The following ZNG1A variants were observed in gnomAD, a reference collection of about 807,000 sequenced individuals.
ZNG1A encodes Zn regulated GTPase metalloprotein activator 1A.
At chr9:133,383 A>C in the ZNG1A span, among the ~76,000 whole-genome samples, 1 of 143,532 alleles carries the variant, frequency 7.0e-6, no homozygotes, top group Admixed American at 7.1e-5. Context: ...AATACACTAC[A>C]CCAAGGGCAA....
chr9:174,307 T>G, the ZNG1A span, among the ~76,000 whole-genome samples: 6 of 152,230 alleles, frequency 3.9e-5, no homozygotes, highest in Non-Finnish European at 8.8e-5. Context: ...AACAGTGAAG[T>G]TCTAAAAGCC....
chr9:139,028 T>C, the ZNG1A span, among the ~76,000 whole-genome samples: 1 of 149,476 alleles, frequency 6.7e-6, no homozygotes, highest in Non-Finnish European at 1.5e-5. Context: ...CAGAGACATG[T>C]CCATTTTCAT....
the ZNG1A span, among the ~76,000 whole-genome samples, chr9:139,608 G>A: frequency 6.6e-6 from 1 of 152,112 alleles, no homozygotes; most frequent in Admixed American, 6.5e-5. Context: ...ATTCCCCACA[G>A]GAGAAGGCAG....
the ZNG1A span, chr9:177,766 C>A: frequency 6.5e-7 from 1 of 1,538,772 alleles, no homozygotes; most frequent in Non-Finnish European, 8.8e-7. Context: ...GTTTGAAATA[C>A]ATTGTTTTGG....
the ZNG1A span, among the ~76,000 whole-genome samples, chr9:159,417 T>C: frequency 6.6e-6 from 1 of 151,936 alleles, no homozygotes; most frequent in Admixed American, 6.6e-5. Context: ...TGCTAAAACA[T>C]AGATCTTAAC....
the ZNG1A span, chr9:148,725 T>C: frequency 6.7e-6 from 1 of 148,344 alleles, no homozygotes; most frequent in Non-Finnish European, 1.5e-5. Flanking sequence ...AAGTACCTAA[T>C]GTTTTTCTTA....
At chr9:154,864 A>T in the ZNG1A span, 1 of 1,372,268 alleles carries the variant, frequency 7.3e-7, no homozygotes. Context: ...TAATACATCA[A>T]AAGAGGAATG....
At chr9:176,442 C>G in the ZNG1A span, among the ~76,000 whole-genome samples, 1 of 147,594 alleles carries the variant, frequency 6.8e-6, no homozygotes, top group South Asian at 2.2e-4. Flanking sequence ...CAGTGTTTTA[C>G]TATTACAGTG....
At chr9:150,418 G>T in the ZNG1A span, 7 of 976,714 alleles carry the variant, frequency 7.2e-6, no homozygotes, top group Non-Finnish European at 8.5e-6. Context: ...GAGCCACCGC[G>T]CCCAGCCCAA....
chr9:140,499 A>G, the ZNG1A span, among the ~76,000 whole-genome samples: 1,054 of 150,238 alleles, frequency 7.0e-3, 4 homozygotes, highest in Non-Finnish European at 9.8e-3. Flanking sequence ...CATCCACACC[A>G]AAAACCCATC....
the ZNG1A span, chr9:154,945 T>C: frequency 3.8e-6 from 3 of 789,914 alleles, no homozygotes; most frequent in Non-Finnish European, 5.9e-6. Context: ...TCTAGTGCTC[T>C]ATAGGAGTGA....
chr9:175,354 G>C, the ZNG1A span, among the ~76,000 whole-genome samples: 1 of 151,296 alleles, frequency 6.6e-6, no homozygotes, highest in Non-Finnish European at 1.5e-5. Context: ...CTCCAGCCTG[G>C]CGACAGAGAG....
the ZNG1A span, among the ~76,000 whole-genome samples, chr9:142,991 C>T: frequency 7.0e-6 from 1 of 142,088 alleles, no homozygotes. Context: ...AAGACTAAAC[C>T]AGGAAGAAGT....
chr9:129,132 T>C, the ZNG1A span, among the ~76,000 whole-genome samples: 5 of 152,030 alleles, frequency 3.3e-5, no homozygotes, highest in Non-Finnish European at 5.9e-5. Flanking sequence ...GCTGGTTTAA[T>C]GTACTATTTT....
the ZNG1A span, among the ~76,000 whole-genome samples, chr9:158,334 T>C: frequency 0.67 from 101,286 of 151,658 alleles, 34,394 homozygotes; most frequent in East Asian, 0.74. Context: ...AAGCAGTAAA[T>C]CTACTTAACA....
At chr9:143,134 A>G in the ZNG1A span, among the ~76,000 whole-genome samples, 1 of 146,984 alleles carries the variant, frequency 6.8e-6, no homozygotes, top group Non-Finnish European at 1.5e-5. Context: ...AACTGGTACC[A>G]TTCCTTCTGA....
At chr9:163,300 A>G in the ZNG1A span, among the ~76,000 whole-genome samples, 2 of 151,708 alleles carry the variant, frequency 1.3e-5, no homozygotes, top group Non-Finnish European at 2.9e-5. Context: ...CTTATCTTCA[A>G]GAGAAAATAA....
At chr9:121,886 T>C in the ZNG1A span, 12 of 1,601,224 alleles carry the variant, frequency 7.5e-6, no homozygotes, top group South Asian at 1.4e-4. Context: ...GGTTAATCTG[T>C]TTAAGTGGCA....
the ZNG1A span, among the ~76,000 whole-genome samples, chr9:133,417 C>A: frequency 2.0e-5 from 3 of 149,718 alleles, no homozygotes; most frequent in South Asian, 6.5e-4. Context: ...GCTCATTATA[C>A]CATTCTACTC....
Sources: allele counts gnomAD v4.1 joint callset (sites outside exome capture counted in the v4.1 genomes callset), GRCh38; gene constraint gnomAD v4.1.1; transcripts MANE v1.5; gene names NCBI Gene and HGNC (gene_info 2026-07-23, HGNC 2026-07-21).